The following OPN5 variants were observed in gnomAD, a reference collection of about 807,000 sequenced individuals.
OPN5 encodes opsin-5.
OPN5 carries 18 observed loss-of-function variants against 41.7 expected under a neutral mutation model. That is an observed-to-expected ratio of 0.43 (90% CI 0.30 to 0.64). The LOEUF is 0.64. Ranked by LOEUF, OPN5 falls within the 30% of genes least tolerant of loss-of-function variation. The probability of loss-of-function intolerance (pLI) is 0.13; values close to 1 mark genes in which losing one functional copy is unlikely to be tolerated. For missense variants in OPN5, 318 were observed against 434.5 expected, an observed-to-expected ratio of 0.73 and a Z score of 2.38; for synonymous variants, 178 against 164.3, an observed-to-expected ratio of 1.08 and a Z score of -0.64.
At chr6:47,817,376 T>C (rs1455165259) in intron 6 of OPN5, among the ~76,000 whole-genome samples, 1 of 152,144 alleles carries the variant, frequency 6.6e-6, no homozygotes, top group Admixed American at 6.5e-5. Context: ...AATTTTCAGT[T>C]ATCAAGACCT....
intron 3 of OPN5, among the ~76,000 whole-genome samples, chr6:47,792,989 T>TG (rs1252001444): frequency 7.3e-5 from 11 of 151,518 alleles, no homozygotes; most frequent in Middle Eastern, 3.4e-3. Context: ...TACGTTTTTT[T>TG]TTTTTTTTTT....
chr6:47,821,354 G>T (rs1369963493), intron 6 of OPN5, among the ~76,000 whole-genome samples: 4 of 152,226 alleles, frequency 2.6e-5, no homozygotes, highest in Non-Finnish European at 5.9e-5. Flanking sequence ...TGTGGGAGGG[G>T]ATGGAACCCA....
chr6:47,795,642 A>C, intron 4 of OPN5, 79 bp downstream of exon 4: 1 of 937,854 alleles, frequency 1.1e-6, no homozygotes. Flanking sequence ...GGAACGTTGG[A>C]GACTGAGAGA....
intron 1 of OPN5, 104 bp from the exon 2 acceptor site, chr6:47,786,411 C>A: frequency 8.2e-6 from 7 of 854,184 alleles, no homozygotes; most frequent in Non-Finnish European, 1.3e-5. Flanking sequence ...CTCTCACTAC[C>A]CTCTAAATCT....
intron 1 of OPN5, among the ~76,000 whole-genome samples, chr6:47,784,636 T>C (rs1203362653): frequency 6.6e-6 from 1 of 151,960 alleles, no homozygotes; most frequent in East Asian, 1.9e-4. Flanking sequence ...GGAGCCAGAG[T>C]GGAATAAACA....
In OPN5 at chr6:47,785,300, C is replaced by T. The variant is rs535386509; in HGVS notation, c.131-1215C>T. Among the ~76,000 whole-genome samples the T allele has an allele frequency of 7.9e-5, 12 of 152,212 alleles. No homozygotes were observed. In the East Asian group the frequency reaches 9.7e-4, roughly 12 times the overall value. On this transcript the variant is annotated intron_variant, in intron 1 of 6. Coordinates refer to ENST00000371211, the Ensembl canonical transcript of OPN5. ...TTTTAGTTGGTTTGCTCTGGAACTC[C>T]GTAATCTCTTTTATTTTTCTCTTCT...
At chr6:47,797,980 A>G (rs1021212625) in intron 4 of OPN5, among the ~76,000 whole-genome samples, 2 of 152,062 alleles carry the variant, frequency 1.3e-5, no homozygotes, top group African/African-American at 2.4e-5. Flanking sequence ...AGCATATACC[A>G]TTTAATTTGA....
chr6:47,808,197 C>A, exon 5 of OPN5: 2 of 1,613,688 alleles, frequency 1.2e-6, no homozygotes, highest in Non-Finnish European at 1.7e-6. Context: ...GCCTGGATTC[C>A]TTATGCAGTG....
At chr6:47,788,696 A>G (rs762020436) in intron 2 of OPN5, among the ~76,000 whole-genome samples, 1 of 151,916 alleles carries the variant, frequency 6.6e-6, no homozygotes, top group Non-Finnish European at 1.5e-5. Flanking sequence ...GCATTTATGC[A>G]ACTAATACTT....
At position 47,817,163 on chromosome 6, in the gene OPN5, C is replaced by G. The variant is rs144423308; in HGVS notation, c.1056+5432C>G. Among the ~76,000 whole-genome samples, 4 of 152,190 alleles carry G rather than the reference C, an allele frequency of 2.6e-5. No homozygotes were observed. In the East Asian group the frequency reaches 7.7e-4, roughly 29 times the overall value. On this transcript the variant is annotated intron_variant, in intron 6 of 6. Coordinates refer to ENST00000371211, the Ensembl canonical transcript of OPN5. ...AAGGAGAATAGAGATTTACTCCACTCCGGTGGGAGTCATCATGGAGACATA... is the reference window on the plus strand; with the variant it reads ...AAGGAGAATAGAGATTTACTCCACTGCGGTGGGAGTCATCATGGAGACATA...
At chr6:47,812,227 T>C (rs1762267598) in intron 6 of OPN5, among the ~76,000 whole-genome samples, 1 of 152,156 alleles carries the variant, frequency 6.6e-6, no homozygotes, top group African/African-American at 2.4e-5. Context: ...CTGATGGCAG[T>C]GATTCCACAA....
At chr6:47,786,407 C>G in intron 1 of OPN5, 108 bp from the exon 2 acceptor site, 1 of 840,556 alleles carries the variant, frequency 1.2e-6, no homozygotes, top group Non-Finnish European at 1.9e-6. Flanking sequence ...AGTCCTCTCA[C>G]TACCCTCTAA....
At chr6:47,802,619 A>G (rs1773818566) in intron 4 of OPN5, among the ~76,000 whole-genome samples, 1 of 152,218 alleles carries the variant, frequency 6.6e-6, no homozygotes, top group East Asian at 1.9e-4. Context: ...TACTAGAACC[A>G]CATGGCCTTC....
chr6:47,811,314 C>T (rs1273975762), intron 5 of OPN5, among the ~76,000 whole-genome samples: 1 of 152,140 alleles, frequency 6.6e-6, no homozygotes, highest in East Asian at 1.9e-4. Flanking sequence ...CCCCTGACCA[C>T]CTTGGCTTGC....
chr6:47,820,887 C>G (rs772676172), intron 6 of OPN5, among the ~76,000 whole-genome samples: 4 of 152,082 alleles, frequency 2.6e-5, no homozygotes, highest in Non-Finnish European at 2.9e-5. Flanking sequence ...CTACTGTTGA[C>G]CGGAAGCCTT....
chr6:47,794,511 C>T (rs1773481670), intron 3 of OPN5, among the ~76,000 whole-genome samples: 1 of 152,182 alleles, frequency 6.6e-6, no homozygotes, highest in African/African-American at 2.4e-5. Flanking sequence ...GCTTGGAATT[C>T]TCTTTTGGTT....
intron 4 of OPN5, among the ~76,000 whole-genome samples, chr6:47,807,168 C>T (rs9381617): frequency 0.068 from 10,338 of 152,148 alleles, 445 homozygotes; most frequent in South Asian, 0.14. Context: ...AAAAAAGAAA[C>T]GCCCCAATTT....
At chr6:47,819,400 A>ATATATATATATAT (rs1762535695) in intron 6 of OPN5, among the ~76,000 whole-genome samples, 1 of 131,774 alleles carries the variant, frequency 7.6e-6, no homozygotes, top group African/African-American at 2.7e-5. Flanking sequence ...ATATATATAT[A>ATATATATATATAT]AAACAGTATA....
At chr6:47,806,537 TA>T (rs1309603862) in intron 4 of OPN5, among the ~76,000 whole-genome samples, 1 of 152,196 alleles carries the variant, frequency 6.6e-6, no homozygotes, top group Non-Finnish European at 1.5e-5. Flanking sequence ...GTTGATTGAA[TA>T]AATAAACAAT....
Sources: allele counts gnomAD v4.1 joint callset (sites outside exome capture counted in the v4.1 genomes callset), GRCh38; gene constraint gnomAD v4.1.1; transcripts MANE v1.5; gene names NCBI Gene and HGNC (gene_info 2026-07-23, HGNC 2026-07-21).